CLNK: variants seen among roughly 807,000 people sequenced by gnomAD.
CLNK encodes cytokine dependent hematopoietic cell linker, also known as cytokine-dependent hematopoietic cell linker.
Under a neutral mutation model 68.6 loss-of-function variants are expected in CLNK, and 74 were observed. That is an observed-to-expected ratio of 1.08 (90% confidence interval 0.89 to 1.31). The LOEUF is 1.31. Ranked by LOEUF, CLNK falls within the 50% of genes most tolerant of loss-of-function variation. The pLI, the probability that CLNK is intolerant of heterozygous loss-of-function variation, is 0.00. For synonymous variants in CLNK, 198 were observed against 172.2 expected (o/e 1.15, Z -1.17); for missense variants, 553 against 515.3 (o/e 1.07, Z -0.71).
intron 4 of CLNK, among the ~76,000 whole-genome samples, chr4:10,580,925 C>G (rs937181482): frequency 2.0e-5 from 3 of 152,300 alleles, no homozygotes; most frequent in African/African-American, 7.2e-5. Flanking sequence ...GATGATCAAG[C>G]CTTCGCATTC....
intron 3 of CLNK, among the ~76,000 whole-genome samples, chr4:10,586,567 C>T (rs1429157400): frequency 6.6e-6 from 1 of 152,044 alleles, no homozygotes; most frequent in African/African-American, 2.4e-5. Flanking sequence ...CCCACCTCGG[C>T]CTCCCACAGT....
At chr4:10,547,542 G>A (rs547005714) in intron 8 of CLNK, among the ~76,000 whole-genome samples, 3 of 152,236 alleles carry the variant, frequency 2.0e-5, no homozygotes, top group African/African-American at 7.2e-5. Context: ...TAAGTACACA[G>A]TACAGTGTCA....
chr4:10,545,771 G>C (rs114371073), intron 8 of CLNK, among the ~76,000 whole-genome samples: 2,350 of 152,238 alleles, frequency 0.015, 74 homozygotes, highest in African/African-American at 0.054. Flanking sequence ...TTGAAATCTG[G>C]TTGGAGGTTG....
At chr4:10,724,591 T>C in the CLNK span, among the ~76,000 whole-genome samples, 1 of 151,992 alleles carries the variant, frequency 6.6e-6, no homozygotes. Context: ...ACAGCAACCC[T>C]GTATGTGTCC....
the CLNK span, among the ~76,000 whole-genome samples, chr4:10,727,861 A>G: frequency 1.3e-5 from 2 of 152,236 alleles, no homozygotes; most frequent in African/African-American, 4.8e-5. Context: ...TAAGAAGTGC[A>G]TATTCCTGGG....
chr4:10,721,555 T>C, the CLNK span, among the ~76,000 whole-genome samples: 1 of 152,200 alleles, frequency 6.6e-6, no homozygotes, highest in African/African-American at 2.4e-5. Flanking sequence ...TAGGGAAAGA[T>C]AGGGTAGAAT....
chr4:10,592,957 C>T (rs1432794279), intron 3 of CLNK, among the ~76,000 whole-genome samples: 1 of 152,064 alleles, frequency 6.6e-6, no homozygotes, highest in Non-Finnish European at 1.5e-5. Flanking sequence ...GAACTCCTGA[C>T]CTCAAATGAT....
At chr4:10,512,333 C>T (rs1358651272) in intron 16 of CLNK, among the ~76,000 whole-genome samples, 1 of 151,604 alleles carries the variant, frequency 6.6e-6, no homozygotes, top group African/African-American at 2.4e-5. Context: ...CAGGTTCAAG[C>T]GATTCTTCTG....
intron 2 of CLNK, among the ~76,000 whole-genome samples, chr4:10,605,694 G>A (rs1721761353): frequency 6.6e-6 from 1 of 151,776 alleles, no homozygotes; most frequent in South Asian, 2.1e-4. Flanking sequence ...TGGGCGTGGT[G>A]GTGCACACCT....
chr4:10,607,147 G>A (rs559826129), intron 2 of CLNK, among the ~76,000 whole-genome samples: 1 of 152,336 alleles, frequency 6.6e-6, no homozygotes, highest in South Asian at 2.1e-4. Context: ...CTGGGTGTCT[G>A]AGGAACGGGG....
intron 1 of CLNK, among the ~76,000 whole-genome samples, chr4:10,681,211 A>G (rs967125216): frequency 6.6e-6 from 1 of 152,180 alleles, no homozygotes; most frequent in Non-Finnish European, 1.5e-5. Context: ...TAATTTGAGT[A>G]CACTTGAACA....
upstream of CLNK, among the ~76,000 whole-genome samples, chr4:10,687,445 G>T (rs1348338094): frequency 6.6e-6 from 1 of 151,646 alleles, no homozygotes; most frequent in Non-Finnish European, 1.5e-5. Flanking sequence ...CAGAAATGGA[G>T]AAAAAAGAGG....
At chr4:10,601,811 A>C (rs908575460) in intron 2 of CLNK, among the ~76,000 whole-genome samples, 1 of 152,196 alleles carries the variant, frequency 6.6e-6, no homozygotes, top group Non-Finnish European at 1.5e-5. Flanking sequence ...TGAATCACAA[A>C]AGCTTTTTAA....
intron 5 of CLNK, among the ~76,000 whole-genome samples, chr4:10,568,040 T>C (rs1720191611): frequency 6.6e-6 from 1 of 152,306 alleles, no homozygotes; most frequent in East Asian, 1.9e-4. Context: ...AACACAGAGC[T>C]ACCATATAAT....
At chr4:10,708,481 G>A in the CLNK span, among the ~76,000 whole-genome samples, 1 of 152,080 alleles carries the variant, frequency 6.6e-6, no homozygotes, top group East Asian at 1.9e-4. Flanking sequence ...CTGGAGTCGA[G>A]ATGCACCTCT....
At chr4:10,574,951 G>A (rs543718671) in intron 4 of CLNK, among the ~76,000 whole-genome samples, 57 of 152,286 alleles carry the variant, frequency 3.7e-4, no homozygotes, top group African/African-American at 1.2e-3. Flanking sequence ...GCCCTTGAAA[G>A]GGACAGGAAT....
At chr4:10,507,215 G>A (rs1195937322) in intron 17 of CLNK, among the ~76,000 whole-genome samples, 4 of 150,726 alleles carry the variant, frequency 2.7e-5, no homozygotes, top group Non-Finnish European at 4.4e-5. Flanking sequence ...GGCTTCAAGC[G>A]ATTCTCTTGT....
At chr4:10,612,320 A>G (rs1000571294) in intron 2 of CLNK, among the ~76,000 whole-genome samples, 1 of 152,258 alleles carries the variant, frequency 6.6e-6, no homozygotes, top group African/African-American at 2.4e-5. Flanking sequence ...CCTGAGAAAG[A>G]CACCTGAGTT....
chr4:10,600,577 A>T (rs1217663167), intron 2 of CLNK, among the ~76,000 whole-genome samples: 4 of 152,196 alleles, frequency 2.6e-5, no homozygotes, highest in Non-Finnish European at 5.9e-5. Context: ...GAGCCTTGCA[A>T]GGGTAGATTG....
Sources: gnomAD v4.1 joint callset for allele counts (sites outside exome capture counted in the v4.1 genomes callset) on GRCh38, gnomAD v4.1.1 for gene constraint, MANE v1.5 for transcripts, NCBI Gene and HGNC (gene_info 2026-07-23, HGNC 2026-07-21) for gene names.